The following ZNF883 variants were observed in gnomAD, a reference collection of about 807,000 sequenced individuals.
ZNF883 encodes the protein zinc finger protein 883.
intron 1 of ZNF883, among the ~76,000 whole-genome samples, chr9:112,990,739 G>C (rs1179652755): frequency 6.6e-6 from 1 of 152,052 alleles, no homozygotes; most frequent in African/African-American, 2.4e-5. Flanking sequence ...AATCCATCTG[G>C]TCCTGGGCTT....
chr9:112,991,828 T>C (rs1828306528), intron 1 of ZNF883, among the ~76,000 whole-genome samples: 1 of 152,224 alleles, frequency 6.6e-6, no homozygotes, highest in Non-Finnish European at 1.5e-5. Flanking sequence ...CCTTTACCAT[T>C]ATGTAATGCC....
At chr9:112,993,623 C>T (rs180985672), downstream of ZNF883, among the ~76,000 whole-genome samples, 8 of 152,324 alleles carry the variant, frequency 5.3e-5, no homozygotes, top group East Asian at 1.5e-3. Context: ...GTCCAGACTG[C>T]CCGGATTCCT....
upstream of ZNF883, chr9:112,998,376 T>C (rs1828387519): frequency 2.7e-6 from 2 of 744,598 alleles, no homozygotes; most frequent in African/African-American, 1.8e-5. Context: ...AATGCATCCT[T>C]TCTTATATCT....
At position 112,990,029 on chromosome 9, in the gene ZNF883, G is replaced by A. The variant is rs571213232; in HGVS notation, n.310-6450C>T. On this transcript the variant is annotated intron_variant and non_coding_transcript_variant, in intron 1 of 9. Transcript: ENST00000638823. ...GAAGCTTTTGGGCTGAGACAATGGA[G>A]TTTTCTAGATATAGGGTCATGTCAT... Among the ~76,000 whole-genome samples, 86 of 152,282 alleles carry A rather than the reference G, an allele frequency of 5.6e-4. 3 individuals carry two copies. The South Asian group carries it at 0.017, about 29-fold the overall frequency.
chr9:113,001,195 G>A (rs901390559), upstream of ZNF883, among the ~76,000 whole-genome samples: 24 of 152,154 alleles, frequency 1.6e-4, no homozygotes, highest in African/African-American at 5.8e-4. Context: ...TTAGCTACAA[G>A]TCTGAAACAT....
At chr9:113,002,033 C>T (rs920295719), upstream of ZNF883, 3 of 152,134 alleles carry the variant, frequency 2.0e-5, no homozygotes, top group Admixed American at 1.3e-4. Context: ...AAGATCACAT[C>T]CATGTGCCAT....
chr9:112,994,651 C>T (rs1376608145), downstream of ZNF883, among the ~76,000 whole-genome samples: 16 of 151,894 alleles, frequency 1.1e-4, no homozygotes, highest in Admixed American at 1.0e-3. Flanking sequence ...GGTTTATTCC[C>T]TAATCACATC....
At chr9:112,993,932 G>A (rs1828325440), downstream of ZNF883, among the ~76,000 whole-genome samples, 2 of 152,192 alleles carry the variant, frequency 1.3e-5, no homozygotes, top group South Asian at 4.1e-4. Context: ...GACTGGAGCT[G>A]CAGTGATGGC....
upstream of ZNF883, chr9:112,999,199 A>G (rs933558525): frequency 3.9e-5 from 6 of 152,220 alleles, no homozygotes; most frequent in South Asian, 1.2e-3. Flanking sequence ...AAATAGTGCT[A>G]TGATAAAATG....
At chr9:113,006,898 TA>T (rs202002384) in intron 2 of ZNF883, among the ~76,000 whole-genome samples, 5 of 150,950 alleles carry the variant, frequency 3.3e-5, no homozygotes, top group South Asian at 2.1e-4. Context: ...GGTAATTTTT[TA>T]AAAAAAAAAA....
chr9:113,010,131 G>A (rs183514942), intron 2 of ZNF883, among the ~76,000 whole-genome samples: 121 of 152,258 alleles, frequency 7.9e-4, no homozygotes, highest in Admixed American at 2.9e-3. Context: ...CCAATGCTTA[G>A]AACATTAGCT....
upstream of ZNF883, chr9:113,001,919 C>T (rs891335578): frequency 3.4e-4 from 52 of 152,246 alleles, no homozygotes; most frequent in African/African-American, 1.2e-3. Flanking sequence ...TCCCTAAACT[C>T]AAAGCTCAGT....
At chr9:112,990,486 C>T (rs1554767166) in intron 1 of ZNF883, among the ~76,000 whole-genome samples, 1 of 152,156 alleles carries the variant, frequency 6.6e-6, no homozygotes, top group Non-Finnish European at 1.5e-5. Context: ...AGTGGATAAG[C>T]ATTTTGATGT....
chr9:113,010,281 T>C (rs1279022701), intron 2 of ZNF883, among the ~76,000 whole-genome samples: 1 of 152,238 alleles, frequency 6.6e-6, no homozygotes. Context: ...ATATTTTATT[T>C]GTACAAATCT....
intron 1 of ZNF883, among the ~76,000 whole-genome samples, chr9:112,991,964 CTA>C (rs1321172823): frequency 6.6e-6 from 1 of 152,162 alleles, no homozygotes; most frequent in East Asian, 1.9e-4. Flanking sequence ...TATTTTGAGC[CTA>C]TATGTGTCTT....
At chr9:113,008,423 AAAGG>A (rs148688128) in intron 2 of ZNF883, among the ~76,000 whole-genome samples, 13,640 of 152,102 alleles carry the variant, frequency 0.09, 837 homozygotes, top group East Asian at 0.28. Context: ...ATATTTATGA[AAAGG>A]AAGGAAATTC....
intron 1 of ZNF883, among the ~76,000 whole-genome samples, chr9:112,990,669 A>C (rs1828293934): frequency 2.0e-5 from 3 of 152,182 alleles, no homozygotes; most frequent in Admixed American, 6.5e-5. Context: ...AATTGTTTGG[A>C]ATAGATCCAG....
At chr9:112,996,803 A>G (rs1164635178), downstream of ZNF883, among the ~76,000 whole-genome samples, 15 of 122,250 alleles carry the variant, frequency 1.2e-4, no homozygotes, top group Admixed American at 7.7e-4. Flanking sequence ...AAAAAAAAAA[A>G]AAAAAAAAAA....
At chr9:112,991,394 T>C (rs1828301082) in intron 1 of ZNF883, among the ~76,000 whole-genome samples, 2 of 152,192 alleles carry the variant, frequency 1.3e-5, no homozygotes, top group African/African-American at 2.4e-5. Context: ...TTGTGTGGTT[T>C]TGAGTGAGTT....
Sources: gnomAD v4.1 joint callset for allele counts (sites outside exome capture counted in the v4.1 genomes callset) on GRCh38, gnomAD v4.1.1 for gene constraint, MANE v1.5 for transcripts, NCBI Gene and HGNC (gene_info 2026-07-23, HGNC 2026-07-21) for gene names.